MCTP1: variants seen among roughly 807,000 people sequenced by gnomAD.
The protein encoded by MCTP1 is multiple C2 and transmembrane domain containing 1, also known as multiple C2 and transmembrane domain-containing protein 1.
MCTP1 carries 69 observed loss-of-function variants against 120.6 expected under a neutral mutation model. That is an observed-to-expected ratio of 0.57 (90% CI 0.47 to 0.70). The LOEUF (loss-of-function observed/expected upper bound fraction) is 0.70. MCTP1 is among the 30% of genes least tolerant of loss of function. MCTP1 has a pLI of 0.00. For synonymous variants in MCTP1, 529 were observed against 493.1 expected, an observed-to-expected ratio of 1.07 and a Z score of -0.96; for missense variants, 1,203 against 1,248.8, an observed-to-expected ratio of 0.96 and a Z score of 0.55.
At chr5:95,184,434 A>C (rs974309239) in intron 1 of MCTP1, among the ~76,000 whole-genome samples, 2 of 152,188 alleles carry the variant, frequency 1.3e-5, no homozygotes, top group Non-Finnish European at 2.9e-5. Context: ...ATTATAACTG[A>C]GCAAATTATG....
At chr5:94,954,484 T>C (rs920033596) in intron 2 of MCTP1, among the ~76,000 whole-genome samples, 1 of 152,032 alleles carries the variant, frequency 6.6e-6, no homozygotes. Context: ...ATGGGTATTC[T>C]AAAAGCCCAG....
chr5:95,068,386 G>A (rs1023169405), intron 1 of MCTP1, among the ~76,000 whole-genome samples: 7 of 152,310 alleles, frequency 4.6e-5, no homozygotes, highest in African/African-American at 1.7e-4. Context: ...AATTCCAACA[G>A]ACAGTAAACA....
At chr5:95,279,562 G>A (rs1276400645) in intron 1 of MCTP1, among the ~76,000 whole-genome samples, 4 of 152,100 alleles carry the variant, frequency 2.6e-5, no homozygotes, top group African/African-American at 7.2e-5. Flanking sequence ...CAAAACTTCA[G>A]TATACTTTCC....
At chr5:95,063,148 C>G (rs1749711292) in intron 1 of MCTP1, among the ~76,000 whole-genome samples, 1 of 152,164 alleles carries the variant, frequency 6.6e-6, no homozygotes, top group South Asian at 2.1e-4. Flanking sequence ...TAAACTTTCT[C>G]TGAATAATTT....
intron 19 of MCTP1, among the ~76,000 whole-genome samples, chr5:94,744,119 C>T (rs1018446040): frequency 2.6e-5 from 4 of 151,182 alleles, no homozygotes; most frequent in Non-Finnish European, 5.9e-5. Context: ...TACAGATGCA[C>T]GCCACCACAC....
intron 1 of MCTP1, among the ~76,000 whole-genome samples, chr5:95,254,640 T>G (rs1272816753): frequency 6.6e-6 from 1 of 152,186 alleles, no homozygotes; most frequent in African/African-American, 2.4e-5. Context: ...GGATACTATG[T>G]TAAGATGCTC....
intron 5 of MCTP1, among the ~76,000 whole-genome samples, chr5:94,933,136 A>T (rs1323637692): frequency 2.0e-5 from 3 of 151,938 alleles, no homozygotes; most frequent in Non-Finnish European, 4.4e-5. Context: ...GTTGACCAAA[A>T]CATAAAAGAA....
chr5:94,952,003 C>A (rs936583055), intron 3 of MCTP1, among the ~76,000 whole-genome samples: 1 of 151,812 alleles, frequency 6.6e-6, no homozygotes, highest in Non-Finnish European at 1.5e-5. Context: ...GAAATGCCAT[C>A]TCTACTAAAA....
In MCTP1 at chr5:95,106,189, G is replaced by A. The variant is rs117514595; in HGVS notation, c.721-88705C>T. ...TAGAGCTGATCACAGATGGGCCATCGCAGAATACACTTTTGTCTTGCACAA... is the reference window on the plus strand; with the variant it reads ...TAGAGCTGATCACAGATGGGCCATCACAGAATACACTTTTGTCTTGCACAA... On this transcript the variant is annotated intron_variant, in intron 1 of 22. Transcript: ENST00000515393. Among the ~76,000 whole-genome samples, 53 of 152,304 alleles carry A rather than the reference G, an allele frequency of 3.5e-4. No individual in the cohort carries two copies. The East Asian group carries it at 7.5e-3, about 22-fold the overall frequency.
chr5:95,278,298 C>T (rs1457928317), intron 1 of MCTP1, among the ~76,000 whole-genome samples: 1 of 151,972 alleles, frequency 6.6e-6, no homozygotes, highest in Admixed American at 6.6e-5. Context: ...TTCAATGGTG[C>T]CGACAAATCA....
At chr5:95,189,462 C>T (rs251084) in intron 1 of MCTP1, among the ~76,000 whole-genome samples, 10,819 of 152,160 alleles carry the variant, frequency 0.071, 500 homozygotes, top group Non-Finnish European at 0.11. Flanking sequence ...AACAACTCAA[C>T]AAGTTATTTT....
intron 18 of MCTP1, among the ~76,000 whole-genome samples, chr5:94,796,067 C>A (rs1779936096): frequency 6.6e-6 from 1 of 152,168 alleles, no homozygotes; most frequent in South Asian, 2.1e-4. Flanking sequence ...AACTATTAGC[C>A]AATACATTGA....
intron 19 of MCTP1, among the ~76,000 whole-genome samples, chr5:94,755,503 C>T (rs1237281341): frequency 6.6e-6 from 1 of 152,204 alleles, no homozygotes; most frequent in Admixed American, 6.5e-5. Context: ...GCTCTCACCA[C>T]ACTAGGGAAA....
At chr5:95,003,605 A>T (rs2153640010) in intron 2 of MCTP1, among the ~76,000 whole-genome samples, 1 of 152,324 alleles carries the variant, frequency 6.6e-6, no homozygotes, top group African/African-American at 2.4e-5. Flanking sequence ...CATCTATGTA[A>T]ATAAAACAGT....
chr5:94,999,831 A>G (rs1478745231), intron 2 of MCTP1, among the ~76,000 whole-genome samples: 1 of 152,174 alleles, frequency 6.6e-6, no homozygotes, highest in Non-Finnish European at 1.5e-5. Context: ...CTCCTGGTAA[A>G]TTTGGGGAAT....
chr5:95,219,772 T>G (rs1042703073), intron 1 of MCTP1, among the ~76,000 whole-genome samples: 1 of 152,236 alleles, frequency 6.6e-6, no homozygotes, highest in African/African-American at 2.4e-5. Context: ...AATTTTATAT[T>G]CTTATAGAGA....
intron 19 of MCTP1, among the ~76,000 whole-genome samples, chr5:94,750,173 T>A (rs1006986362): frequency 1.3e-5 from 2 of 152,170 alleles, no homozygotes; most frequent in Admixed American, 1.3e-4. Context: ...TGCTATTGTT[T>A]ATGCCTAGGC....
intron 1 of MCTP1, among the ~76,000 whole-genome samples, chr5:95,046,798 G>A (rs910525421): frequency 9.9e-5 from 15 of 152,146 alleles, no homozygotes; most frequent in Non-Finnish European, 1.8e-4. Context: ...TTGACCACAC[G>A]TATCTGTTTA....
chr5:95,185,916 T>C (rs1749151364), intron 1 of MCTP1, among the ~76,000 whole-genome samples: 1 of 151,936 alleles, frequency 6.6e-6, no homozygotes, highest in East Asian at 1.9e-4. Flanking sequence ...CTTGAACCCA[T>C]GAGGCAGAGG....
Sources: gnomAD v4.1 joint callset for allele counts (sites outside exome capture counted in the v4.1 genomes callset) on GRCh38, gnomAD v4.1.1 for gene constraint, MANE v1.5 for transcripts, NCBI Gene and HGNC (gene_info 2026-07-23, HGNC 2026-07-21) for gene names.